The following IGSF11 variants were observed in gnomAD, a reference collection of about 807,000 sequenced individuals.
IGSF11 encodes the protein immunoglobulin superfamily member 11.
Under a neutral mutation model 41.0 loss-of-function variants are expected in IGSF11, and 22 were observed. The ratio of observed to expected loss-of-function variants is 0.54; its 90% confidence interval spans 0.38 to 0.77. The LOEUF is 0.77. IGSF11 is among the 30% of genes least tolerant of loss of function. The pLI is 0.00. For missense variants in IGSF11, 444 were observed against 530.8 expected, an observed-to-expected ratio of 0.84 and a Z score of 1.61; for synonymous variants, 219 against 201.3, an observed-to-expected ratio of 1.09 and a Z score of -0.74.
chr3:119,086,043 G>A (rs1254660998), intron 1 of IGSF11, among the ~76,000 whole-genome samples: 1 of 152,160 alleles, frequency 6.6e-6, no homozygotes, highest in East Asian at 1.9e-4. Flanking sequence ...ATGAAGTGAA[G>A]TTACAGTTAC....
At chr3:119,049,875 C>A (rs972741737) in intron 1 of IGSF11, among the ~76,000 whole-genome samples, 1 of 147,804 alleles carries the variant, frequency 6.8e-6, no homozygotes, top group Non-Finnish European at 1.5e-5. Context: ...CTTTGACAAA[C>A]CTGACAAAAA....
chr3:118,941,796 A>C (rs770322117), intron 1 of IGSF11, among the ~76,000 whole-genome samples: 30 of 152,220 alleles, frequency 2.0e-4, no homozygotes, highest in Non-Finnish European at 3.7e-4. Flanking sequence ...AACAAAAAAA[A>C]CCTCAAACTT....
intron 1 of IGSF11, among the ~76,000 whole-genome samples, chr3:118,990,240 A>G (rs1423671415): frequency 1.3e-5 from 2 of 152,160 alleles, no homozygotes; most frequent in African/African-American, 4.8e-5. Flanking sequence ...TTTGAAAGGG[A>G]GAGAGAATAG....
chr3:119,057,071 G>C (rs1434555524), intron 1 of IGSF11, among the ~76,000 whole-genome samples: 1 of 152,150 alleles, frequency 6.6e-6, no homozygotes, highest in African/African-American at 2.4e-5. Flanking sequence ...ACAAGACAGG[G>C]AGGCCCTCTC....
chr3:119,113,999 C>A (rs1224739252), intron 1 of IGSF11, among the ~76,000 whole-genome samples: 1 of 152,336 alleles, frequency 6.6e-6, no homozygotes, highest in East Asian at 1.9e-4. Flanking sequence ...ATATCTGGGG[C>A]CCTTTTAGCT....
At chr3:119,017,852 G>A (rs1276788646) in intron 1 of IGSF11, among the ~76,000 whole-genome samples, 3 of 140,700 alleles carry the variant, frequency 2.1e-5, no homozygotes, top group Non-Finnish European at 3.0e-5. Context: ...GTGTGATCTC[G>A]GCTCACTGCA....
At chr3:118,956,839 T>A (rs1028783954) in intron 1 of IGSF11, among the ~76,000 whole-genome samples, 2 of 152,174 alleles carry the variant, frequency 1.3e-5, no homozygotes, top group Admixed American at 1.3e-4. Flanking sequence ...AAAACAGTGC[T>A]GATAGACTCA....
intron 1 of IGSF11, among the ~76,000 whole-genome samples, chr3:119,024,152 T>C (rs1020886444): frequency 1.3e-5 from 2 of 152,158 alleles, no homozygotes; most frequent in Admixed American, 1.3e-4. Context: ...AATTAATTTG[T>C]TCAAAGAAAT....
upstream of IGSF11, among the ~76,000 whole-genome samples, chr3:119,108,802 T>C (rs1386440894): frequency 1.4e-5 from 2 of 144,954 alleles, no homozygotes; most frequent in East Asian, 2.0e-4. Flanking sequence ...GCATGAAGGG[T>C]TGTTGAATTT....
At chr3:119,035,292 A>G (rs865894558), upstream of IGSF11, among the ~76,000 whole-genome samples, 2 of 152,180 alleles carry the variant, frequency 1.3e-5, no homozygotes, top group Non-Finnish European at 2.9e-5. Flanking sequence ...GTCCTCTCTT[A>G]TAAAACCTAA....
At chr3:119,063,546 T>G (rs542789826) in intron 1 of IGSF11, among the ~76,000 whole-genome samples, 12 of 152,340 alleles carry the variant, frequency 7.9e-5, no homozygotes, top group African/African-American at 2.6e-4. Context: ...TCTTCTGCTT[T>G]GAGTACAATG....
At chr3:119,005,207 C>G (rs1937369390) in intron 1 of IGSF11, among the ~76,000 whole-genome samples, 3 of 146,020 alleles carry the variant, frequency 2.1e-5, no homozygotes, top group South Asian at 4.5e-4. Context: ...GATCCCTTTA[C>G]CATTATGTAA....
chr3:119,051,827 C>T (rs967315545), intron 1 of IGSF11, among the ~76,000 whole-genome samples: 1 of 151,994 alleles, frequency 6.6e-6, no homozygotes, highest in Non-Finnish European at 1.5e-5. Flanking sequence ...CAAAAGGAAC[C>T]CTGAAAACTA....
rs999360944 is a variant in IGSF11, at chr3:118,926,389, C to T, written c.425-133G>A. The T allele has an allele frequency of 2.2e-5, 15 of 683,054 alleles. 1 individual carries two copies. The highest frequency in any genetic ancestry group is 9.3e-5 in the East Asian group (3 of 32,304). The allele number at this position is 683,054 out of a possible 1,614,324, so 42.3% of individuals were successfully genotyped here. ...GGGAACATATACCAGGAGACAGACT[C>T]ACCGCCTGAACCCAGGGGAGGCATG... On this transcript the variant is annotated intron_variant, in intron 3 of 6. Transcript: ENST00000393775.
At chr3:118,933,105 T>C (rs1012216920) in intron 1 of IGSF11, among the ~76,000 whole-genome samples, 3 of 152,250 alleles carry the variant, frequency 2.0e-5, no homozygotes, top group African/African-American at 7.2e-5. Flanking sequence ...ACTTACTTCA[T>C]GTTTTTACAT....
At chr3:119,096,459 T>C (rs1023231816) in intron 1 of IGSF11, among the ~76,000 whole-genome samples, 35 of 151,940 alleles carry the variant, frequency 2.3e-4, no homozygotes, top group African/African-American at 8.5e-4. Context: ...ATATTAATAA[T>C]AATACAGTCC....
chr3:119,023,083 G>A (rs1197402924), intron 1 of IGSF11, among the ~76,000 whole-genome samples: 4 of 151,836 alleles, frequency 2.6e-5, no homozygotes, highest in Non-Finnish European at 4.4e-5. Context: ...CCAACATGGC[G>A]AAACCCTGTC....
intron 1 of IGSF11, among the ~76,000 whole-genome samples, chr3:119,083,094 A>C (rs916105755): frequency 2.8e-4 from 42 of 148,680 alleles, no homozygotes; most frequent in Non-Finnish European, 5.5e-4. Context: ...TCATAGACTA[A>C]TTCCTTTTTT....
At chr3:118,959,378 T>TA (rs1298321302) in intron 1 of IGSF11, among the ~76,000 whole-genome samples, 1 of 152,094 alleles carries the variant, frequency 6.6e-6, no homozygotes, top group Non-Finnish European at 1.5e-5. Context: ...AGTAGTGAGA[T>TA]ATGGAAAAAC....
Sources: allele counts gnomAD v4.1 joint callset (sites outside exome capture counted in the v4.1 genomes callset), GRCh38; gene constraint gnomAD v4.1.1; transcripts MANE v1.5; gene names NCBI Gene and HGNC (gene_info 2026-07-23, HGNC 2026-07-21).